SH3PXD2A: variants seen among roughly 807,000 people sequenced by gnomAD.
SH3PXD2A encodes SH3 and PX domain-containing protein 2A.
A neutral mutation model predicts 115.2 loss-of-function variants in SH3PXD2A; 32 were observed. The ratio of observed to expected loss-of-function variants is 0.28; its 90% confidence interval spans 0.21 to 0.37. The LOEUF is 0.37. Among genes scored for constraint, SH3PXD2A ranks in the 10% least tolerant of loss-of-function variants. The pLI is 1.00. For synonymous variants in SH3PXD2A, 610 were observed against 629.1 expected, an observed-to-expected ratio of 0.97 and a Z score of 0.45; for missense variants, 1,328 against 1,498.7, an observed-to-expected ratio of 0.89 and a Z score of 1.88.
At chr10:103,653,756 T>C (rs1194172676) in intron 8 of SH3PXD2A, among the ~76,000 whole-genome samples, 1 of 152,138 alleles carries the variant, frequency 6.6e-6, no homozygotes, top group Non-Finnish European at 1.5e-5. Context: ...CAATAGGCAC[T>C]GTGGATCCAG....
chr10:103,630,211 G>A (rs567006634), intron 8 of SH3PXD2A, among the ~76,000 whole-genome samples: 1 of 152,358 alleles, frequency 6.6e-6, no homozygotes, highest in African/African-American at 2.4e-5. Flanking sequence ...CAGAGGGCAT[G>A]GACTTTGCAA....
At chr10:103,839,657 T>A (rs1341244232) in intron 1 of SH3PXD2A, among the ~76,000 whole-genome samples, 1 of 146,476 alleles carries the variant, frequency 6.8e-6, no homozygotes, top group Non-Finnish European at 1.5e-5. Flanking sequence ...AGCCCCTGAG[T>A]GGCAAGGCTG....
chr10:103,802,613 C>T (rs548257898), intron 1 of SH3PXD2A, among the ~76,000 whole-genome samples: 12 of 152,240 alleles, frequency 7.9e-5, no homozygotes, highest in Non-Finnish European at 1.6e-4. Context: ...TGCCCTCCCA[C>T]AGCCTCAGGG....
chr10:103,817,695 T>A (rs913674700), intron 1 of SH3PXD2A, among the ~76,000 whole-genome samples: 1 of 152,246 alleles, frequency 6.6e-6, no homozygotes, highest in African/African-American at 2.4e-5. Context: ...ACATGGTATT[T>A]GGTTTTCTGT....
chr10:103,657,661 T>C (rs2037230944), intron 8 of SH3PXD2A, among the ~76,000 whole-genome samples: 1 of 152,230 alleles, frequency 6.6e-6, no homozygotes, highest in Non-Finnish European at 1.5e-5. Context: ...CAAGTCTCAC[T>C]TTGGGTTTGA....
intron 6 of SH3PXD2A, among the ~76,000 whole-genome samples, 187 bp from the exon 7 acceptor site, chr10:103,668,839 A>G (rs1460618292): frequency 6.6e-6 from 1 of 152,236 alleles, no homozygotes; most frequent in East Asian, 1.9e-4. Context: ...GGCCCGTGTG[A>G]TTACAGAGGC....
chr10:103,619,174 C>G (rs1293759144), intron 10 of SH3PXD2A, among the ~76,000 whole-genome samples: 3 of 152,226 alleles, frequency 2.0e-5, no homozygotes, highest in Non-Finnish European at 4.4e-5. Context: ...AGCCATGCTT[C>G]AGACTGCTGC....
At chr10:103,837,804 C>T (rs1379469086) in intron 1 of SH3PXD2A, among the ~76,000 whole-genome samples, 3 of 152,164 alleles carry the variant, frequency 2.0e-5, no homozygotes, top group East Asian at 1.9e-4. Flanking sequence ...AGGACACACA[C>T]AGTACCTGCA....
chr10:103,797,270 G>A (rs942323777), intron 2 of SH3PXD2A, among the ~76,000 whole-genome samples: 2 of 152,176 alleles, frequency 1.3e-5, no homozygotes, highest in African/African-American at 2.4e-5. Flanking sequence ...ACAGGTAGCA[G>A]GTAAGCTGTG....
chr10:103,719,876 C>T (rs997589253), intron 5 of SH3PXD2A, among the ~76,000 whole-genome samples: 7 of 151,954 alleles, frequency 4.6e-5, no homozygotes, highest in East Asian at 1.9e-4. Flanking sequence ...CGTGCCACCA[C>T]GCCTGGCTAA....
At chr10:103,811,161 T>C (rs1212453229) in intron 1 of SH3PXD2A, among the ~76,000 whole-genome samples, 4 of 152,192 alleles carry the variant, frequency 2.6e-5, no homozygotes, top group African/African-American at 9.6e-5. Context: ...TCTTCATGTT[T>C]CCTGGAGGGG....
At chr10:103,836,358 TAC>T (rs922026837) in intron 1 of SH3PXD2A, among the ~76,000 whole-genome samples, 2 of 150,768 alleles carry the variant, frequency 1.3e-5, no homozygotes, top group African/African-American at 4.9e-5. Context: ...CACTCACAGC[TAC>T]ACACAGACAT....
intron 11 of SH3PXD2A, 31 bp downstream of exon 11, chr10:103,617,166 G>C: frequency 9.5e-6 from 14 of 1,476,162 alleles, no homozygotes; most frequent in Non-Finnish European, 1.3e-5. Flanking sequence ...TGGGCGAGAG[G>C]CATCTCGTTC....
chr10:103,679,331 G>A (rs1382414989), intron 6 of SH3PXD2A, among the ~76,000 whole-genome samples: 1 of 152,240 alleles, frequency 6.6e-6, no homozygotes, highest in Admixed American at 6.5e-5. Flanking sequence ...AAACCTAGAA[G>A]GCAGGCACAG....
chr10:103,648,213 A>G (rs1281645816), intron 8 of SH3PXD2A, among the ~76,000 whole-genome samples: 1 of 152,192 alleles, frequency 6.6e-6, no homozygotes, highest in Non-Finnish European at 1.5e-5. Context: ...GAAATGGGGT[A>G]GTAAAAGGGT....
intron 8 of SH3PXD2A, among the ~76,000 whole-genome samples, chr10:103,656,139 G>A (rs1181695044): frequency 6.6e-6 from 1 of 152,176 alleles, no homozygotes; most frequent in Non-Finnish European, 1.5e-5. Context: ...TCCACCACAT[G>A]CACAGGTACT....
At chr10:103,702,599 G>GTGTGTGTGTGTGTGTGTC (rs2037931533) in intron 5 of SH3PXD2A, among the ~76,000 whole-genome samples, 1 of 151,058 alleles carries the variant, frequency 6.6e-6, no homozygotes. Flanking sequence ...GTGTGTGCGT[G>GTGTGTGTGTGTGTGTGTC]TGTGTGTGTG....
chr10:103,783,336 G>C (rs946368750), intron 2 of SH3PXD2A, among the ~76,000 whole-genome samples: 2 of 152,246 alleles, frequency 1.3e-5, no homozygotes, highest in Non-Finnish European at 2.9e-5. Flanking sequence ...CCGTGAGAAT[G>C]TGGAGACCCC....
intron 2 of SH3PXD2A, among the ~76,000 whole-genome samples, chr10:103,791,728 A>G (rs1449478198): frequency 2.0e-5 from 3 of 151,828 alleles, no homozygotes; most frequent in African/African-American, 7.3e-5. Flanking sequence ...AGAGGCCCCC[A>G]CAAGCACAGG....
Sources: gnomAD v4.1 joint callset for allele counts (sites outside exome capture counted in the v4.1 genomes callset) on GRCh38, gnomAD v4.1.1 for gene constraint, MANE v1.5 for transcripts, NCBI Gene and HGNC (gene_info 2026-07-23, HGNC 2026-07-21) for gene names.